PTPRT: variants seen among roughly 807,000 people sequenced by gnomAD.
PTPRT encodes protein tyrosine phosphatase receptor type T, also known as receptor-type tyrosine-protein phosphatase T.
Under a neutral mutation model 176.8 loss-of-function variants are expected in PTPRT, and 56 were observed. That is an observed-to-expected ratio of 0.32 (90% CI 0.26 to 0.40). PTPRT has a LOEUF of 0.40. Among genes scored for constraint, PTPRT ranks in the 10% least tolerant of loss-of-function variants. The pLI, the probability that PTPRT is intolerant of heterozygous loss-of-function variation, is 1.00. For synonymous variants in PTPRT, 783 were observed against 739.0 expected (o/e 1.06, Z -0.96); for missense variants, 1,540 against 1,908.2 (o/e 0.81, Z 3.60).
chr20:42,157,004 C>A (rs1403650454), intron 17 of PTPRT, among the ~76,000 whole-genome samples: 4 of 152,192 alleles, frequency 2.6e-5, no homozygotes, highest in African/African-American at 9.7e-5. Flanking sequence ...CTTATAACGG[C>A]TTGTAATGCA....
intron 18 of PTPRT, among the ~76,000 whole-genome samples, chr20:42,140,041 C>G (rs1311784409): frequency 6.6e-6 from 1 of 152,246 alleles, no homozygotes; most frequent in Non-Finnish European, 1.5e-5. Context: ...CATTCATAGC[C>G]CATTCCTAAA....
chr20:43,082,654 G>T (rs907173684), intron 1 of PTPRT, among the ~76,000 whole-genome samples: 4 of 152,166 alleles, frequency 2.6e-5, no homozygotes, highest in African/African-American at 7.2e-5. Context: ...AGGAGACCAT[G>T]CTTTGTTTAC....
intron 19 of PTPRT, among the ~76,000 whole-genome samples, chr20:42,127,943 GTCACC>G (rs1218520543): frequency 1.3e-5 from 2 of 152,140 alleles, no homozygotes; most frequent in Non-Finnish European, 2.9e-5. Flanking sequence ...TTCTAAGCTG[GTCACC>G]TCCTTGATAA....
rs148653706 is a variant in PTPRT at position 42,837,229 on chromosome 20, C to T, written c.215-45763G>A. Among the ~76,000 whole-genome samples the T allele has an allele frequency of 9.5e-4, 145 of 152,262 alleles. 1 individual carries two copies. The highest frequency in any genetic ancestry group is 3.3e-3 in the African/African-American group (137 of 41,536). ...CCACTGGAGCCCACAGAGGCCCATCCGGAGGACCCTTGGATCCCCACTGTG... is the reference window on the plus strand; with the variant it reads ...CCACTGGAGCCCACAGAGGCCCATCTGGAGGACCCTTGGATCCCCACTGTG... On this transcript the variant is annotated intron_variant, in intron 2 of 30. Transcript: ENST00000373187.
intron 1 of PTPRT, among the ~76,000 whole-genome samples, chr20:43,169,478 C>T (rs1263336202): frequency 6.6e-6 from 1 of 152,176 alleles, no homozygotes; most frequent in Non-Finnish European, 1.5e-5. Flanking sequence ...CTGCTTTTTA[C>T]ATTTATACCT....
intron 7 of PTPRT, among the ~76,000 whole-genome samples, chr20:42,622,418 T>C (rs914146983): frequency 2.0e-5 from 3 of 152,116 alleles, no homozygotes; most frequent in Non-Finnish European, 4.4e-5. Flanking sequence ...TTTTTTGTAT[T>C]TTTAGTAGAG....
At chr20:43,116,488 C>A (rs1388477425) in intron 1 of PTPRT, among the ~76,000 whole-genome samples, 1 of 152,156 alleles carries the variant, frequency 6.6e-6, no homozygotes, top group Non-Finnish European at 1.5e-5. Context: ...TCAGACATAC[C>A]TTTGTGAAAA....
intron 1 of PTPRT, among the ~76,000 whole-genome samples, chr20:43,015,386 T>C (rs1449797937): frequency 1.3e-5 from 2 of 152,244 alleles, no homozygotes; most frequent in Non-Finnish European, 2.9e-5. Flanking sequence ...CTCCATTCTT[T>C]GTGCTTTTCT....
At chr20:42,525,237 C>T (rs1463445376) in intron 7 of PTPRT, among the ~76,000 whole-genome samples, 1 of 152,202 alleles carries the variant, frequency 6.6e-6, no homozygotes, top group Non-Finnish European at 1.5e-5. Context: ...CTTCCTGCCT[C>T]AGCCTCCCGA....
At chr20:43,023,039 T>G (rs755825542) in intron 1 of PTPRT, among the ~76,000 whole-genome samples, 4 of 152,216 alleles carry the variant, frequency 2.6e-5, no homozygotes, top group Non-Finnish European at 5.9e-5. Flanking sequence ...AGCCTATCTC[T>G]TCTGAAAGAA....
Position 42,080,647 on chromosome 20 carries a change from G to A in PTPRT, c.*232C>T. 2.5e-6 allele frequency: 1 copy of A among 398,036 alleles called. No homozygotes were observed. Among genetic ancestry groups the A allele is most frequent in the South Asian group, 3.6e-5 (1 of 27,970 alleles). The allele number at this position is 398,036 out of a possible 1,614,324, so 24.7% of individuals were successfully genotyped here. A position where few individuals can be genotyped will look rare whatever the true frequency, so the allele number is the denominator to read the frequency against. On this transcript the variant is annotated 3_prime_UTR_variant, in exon 31 of 31. Transcript: ENST00000373187. ...ACTTCTGCTTGGGCCCTTGGCTGTG[G>A]CTGGTTAGGTTGAAAAGGAAGCCTG...
At position 42,770,977 on chromosome 20, in the gene PTPRT, A is replaced by C. The variant is rs76442026; in HGVS notation, c.684+458T>G. ...ACCATCAGAGGAACAGAAGTACTTT[A>C]AAAATCTCCCTTCCCTGTACACACC... On this transcript the variant is annotated intron_variant, in intron 5 of 30. Coordinates refer to ENST00000373187, the MANE Select transcript of PTPRT (RefSeq NM_007050.6). 7.9e-3 allele frequency among the ~76,000 whole-genome samples: 1,205 copies of C among 152,294 alleles called. 19 individuals carry two copies. Among genetic ancestry groups the C allele is most frequent in the African/African-American group, 0.024 (981 of 41,560 alleles).
chr20:43,059,070 T>G (rs538262293), intron 1 of PTPRT, among the ~76,000 whole-genome samples: 1 of 152,332 alleles, frequency 6.6e-6, no homozygotes, highest in South Asian at 2.1e-4. Flanking sequence ...ACCTAGCCCT[T>G]GCACTCTGAG....
At chr20:43,170,703 G>C (rs1215976768) in intron 1 of PTPRT, among the ~76,000 whole-genome samples, 2 of 152,148 alleles carry the variant, frequency 1.3e-5, no homozygotes, top group Non-Finnish European at 2.9e-5. Flanking sequence ...CCCATTGACA[G>C]CGGGGAATCT....
intron 1 of PTPRT, among the ~76,000 whole-genome samples, chr20:43,072,237 T>A (rs1250467946): frequency 2.0e-5 from 3 of 152,216 alleles, no homozygotes; most frequent in Non-Finnish European, 4.4e-5. Context: ...CTTATAGACA[T>A]CATAGTCATG....
chr20:42,990,371 TGTTAA>T (rs1485627992), intron 1 of PTPRT, among the ~76,000 whole-genome samples: 1 of 152,166 alleles, frequency 6.6e-6, no homozygotes, highest in Non-Finnish European at 1.5e-5. Flanking sequence ...TTTATGAAGA[TGTTAA>T]GTTAATAAGT....
chr20:42,896,660 A>C (rs1339178306), intron 1 of PTPRT, among the ~76,000 whole-genome samples: 2 of 152,008 alleles, frequency 1.3e-5, no homozygotes, highest in South Asian at 4.2e-4. Flanking sequence ...AAAAAATAGA[A>C]ATCAAGATGG....
chr20:42,106,950 G>C lies in PTPRT; in HGVS notation c.3255-29C>G, dbSNP rs768825995. The C allele has an allele frequency of 1.7e-5, 28 of 1,607,320 alleles. No homozygotes were observed. In the South Asian group the frequency reaches 2.8e-4, roughly 16 times the overall value. On this transcript the variant is annotated intron_variant, in intron 23 of 30. Transcript: ENST00000373187. ...GAAGAGAGGTATGGTCTGTGTTAAG[G>C]ATCTTCATGGGGGGAACCTGCCCTG... is the stretch of plus-strand genomic sequence containing the variant.
At chr20:42,371,234 G>A (rs1039706941) in intron 9 of PTPRT, among the ~76,000 whole-genome samples, 16 of 152,104 alleles carry the variant, frequency 1.1e-4, no homozygotes, top group African/African-American at 2.2e-4. Context: ...ACCACTGGTC[G>A]GTGAAGGAAT....
Sources: gnomAD v4.1 joint callset for allele counts (sites outside exome capture counted in the v4.1 genomes callset) on GRCh38, gnomAD v4.1.1 for gene constraint, MANE v1.5 for transcripts, NCBI Gene and HGNC (gene_info 2026-07-23, HGNC 2026-07-21) for gene names.